The following COQ8A variants were observed in gnomAD, a reference collection of about 807,000 sequenced individuals.
COQ8A encodes coenzyme Q8A, also known as atypical kinase COQ8A, mitochondrial.
Under a neutral mutation model 65.0 loss-of-function variants are expected in COQ8A, and 51 were observed. The ratio of observed to expected loss-of-function variants is 0.78; its 90% CI spans 0.63 to 0.99. The LOEUF is 0.99. Among genes scored for constraint, COQ8A ranks in the 50% least tolerant of loss-of-function variants. The pLI is 0.00. For synonymous variants in COQ8A, 371 were observed against 353.2 expected (o/e 1.05, Z -0.57); for missense variants, 940 against 875.0 (o/e 1.07, Z -0.94).
intron 1 of COQ8A, among the ~76,000 whole-genome samples, chr1:226,941,372 G>A (rs1656678362): frequency 6.6e-6 from 1 of 152,184 alleles, no homozygotes; most frequent in Admixed American, 6.5e-5. Flanking sequence ...GCTGTGGATG[G>A]GTAGGTCATC....
chr1:226,964,829 C>G lies in COQ8A; in HGVS notation c.178-171C>G, dbSNP rs1313322360. On this transcript the variant is annotated intron_variant, in intron 2 of 14. Coordinates refer to ENST00000366777, the MANE Select transcript of COQ8A (RefSeq NM_020247.5). Reference sequence around the variant, plus strand: ...CAGAAGCAGGGCTGGAGCCCAGGTCCCGGCTCCCAGGCTGGGAAGGGTGCC... The same window carrying G: ...CAGAAGCAGGGCTGGAGCCCAGGTCGCGGCTCCCAGGCTGGGAAGGGTGCC... Among the ~76,000 whole-genome samples, 5 of 152,202 alleles carry G rather than the reference C, an allele frequency of 3.3e-5. No homozygotes were observed. The East Asian group carries it at 9.6e-4, about 29-fold the overall frequency.
chr1:226,944,411 C>T (rs1411363206), intron 1 of COQ8A, among the ~76,000 whole-genome samples: 1 of 151,486 alleles, frequency 6.6e-6, no homozygotes. Context: ...CAGGGGAGGG[C>T]TTTTATGATT....
Position 226,949,588 on chromosome 1 carries a change from AAATAAACC to A in COQ8A, c.-10+9191_-10+9198del, listed in dbSNP as rs367817567. ...GAATGATGCCTCATACCACAGCACTAAATAAACCACACTGGTCCTCCCCAGCCCAGCCT... is the reference window on the plus strand; with the variant it reads ...GAATGATGCCTCATACCACAGCACTAACACTGGTCCTCCCCAGCCCAGCCT... On this transcript the variant is annotated intron_variant, in intron 1 of 14. Transcript: ENST00000366777. The surrounding 1 kb of genome is among the most constrained non-coding windows in gnomAD (Gnocchi z 4.0). Among the ~76,000 whole-genome samples, 382 of 152,208 alleles carry A rather than the reference AAATAAACC, an allele frequency of 2.5e-3. No homozygotes were observed. Among genetic ancestry groups the A allele is most frequent in the African/African-American group, 8.8e-3 (366 of 41,534 alleles).
chr1:226,950,504 G>A (rs1314028748), intron 1 of COQ8A, among the ~76,000 whole-genome samples: 3 of 152,190 alleles, frequency 2.0e-5, no homozygotes. Context: ...GTGACTTCGG[G>A]CAAATTACTT....
At position 226,962,706 on chromosome 1, in the gene COQ8A, C is replaced by T. The variant is rs928258094; in HGVS notation, c.177+1144C>T. On this transcript the variant is annotated intron_variant, in intron 2 of 14. Coordinates refer to ENST00000366777, the MANE Select transcript of COQ8A (RefSeq NM_020247.5). Reference sequence around the variant, plus strand: ...TTAGGACCTGCAGGCCCTTCCCTGCCGCTCTGGGAGGATCCCACAGTGATA... The same window carrying T: ...TTAGGACCTGCAGGCCCTTCCCTGCTGCTCTGGGAGGATCCCACAGTGATA... 1.1e-4 allele frequency among the ~76,000 whole-genome samples: 16 copies of T among 152,190 alleles called. No homozygotes were observed. In the East Asian group the frequency reaches 1.5e-3, roughly 15 times the overall value.
At chr1:226,978,211 C>T (rs1378726377) in intron 5 of COQ8A, among the ~76,000 whole-genome samples, 2 of 104,366 alleles carry the variant, frequency 1.9e-5, no homozygotes, top group African/African-American at 5.8e-5. Flanking sequence ...CTGCACACCT[C>T]CTTACACACC....
In COQ8A at chr1:226,972,322, A is replaced by C. The variant is rs948670497; in HGVS notation, c.656-5127A>C. On this transcript the variant is annotated intron_variant, in intron 4 of 14. Transcript: ENST00000366777. The surrounding 1 kb of genome is among the most constrained non-coding windows in gnomAD (Gnocchi z 4.3). ...AAAAGTAAAGAAAGAGGAAGCAATA[A>C]TATTATTTGATTCTGTGTAGAAAGG... Among the ~76,000 whole-genome samples, 21 of 152,176 alleles carry C rather than the reference A, an allele frequency of 1.4e-4. 1 individual carries two copies. The highest frequency in any genetic ancestry group is 3.3e-4 in the Admixed American group (5 of 15,276).
At chr1:226,951,468 A>G (rs1294796091) in intron 1 of COQ8A, among the ~76,000 whole-genome samples, 1 of 152,092 alleles carries the variant, frequency 6.6e-6, no homozygotes, top group Non-Finnish European at 1.5e-5. Context: ...TGGCCTGGAT[A>G]ATACAGTACC....
intron 4 of COQ8A, among the ~76,000 whole-genome samples, chr1:226,966,906 C>G (rs974842635): frequency 6.6e-6 from 1 of 152,152 alleles, no homozygotes; most frequent in Non-Finnish European, 1.5e-5. Flanking sequence ...CCCCCCTCTC[C>G]AAGGTGCTGA....
intron 14 of COQ8A, among the ~76,000 whole-genome samples, chr1:226,985,656 C>T (rs564828321): frequency 2.0e-5 from 3 of 152,312 alleles, no homozygotes; most frequent in Non-Finnish European, 4.4e-5. Context: ...AAGCCCCAGC[C>T]CTCCCCTCAT....
intron 4 of COQ8A, among the ~76,000 whole-genome samples, chr1:226,970,510 ATCTATCACTGTCGTATATGCAGTC>A (rs1658838124): frequency 3.9e-5 from 6 of 152,240 alleles, no homozygotes; most frequent in Non-Finnish European, 8.8e-5. Context: ...ATATGATACA[ATCTATCACTGTCGTATATGCAGTC>A]CGTTGACTGA....
At chr1:226,985,563 CTT>C (rs777276659) in intron 14 of COQ8A, among the ~76,000 whole-genome samples, 21 of 152,194 alleles carry the variant, frequency 1.4e-4, no homozygotes, top group South Asian at 4.1e-4. Context: ...TCGTGAAGCT[CTT>C]GTTTCTGCCT....
chr1:226,965,615 A>T, intron 3 of COQ8A, 56 bp from the exon 4 acceptor site: 1 of 1,586,252 alleles, frequency 6.3e-7, no homozygotes, highest in South Asian at 1.1e-5. Context: ...GAGCCTCTGA[A>T]GGTTGGTCCT....
At position 226,965,746 on chromosome 1, in the gene COQ8A, G is replaced by A. The variant is rs146526153; in HGVS notation, c.655+9G>A. The A allele has an allele frequency of 1.1e-3, 1,835 of 1,613,256 alleles. 27 individuals are homozygous for A. In the African/African-American group the frequency reaches 0.022, roughly 19 times the overall value. ...GCTGGCCAACTTCGGAGGTAAGGTGGCTGTGTGCCCCTGGACTGCCTCACC... is the reference window on the plus strand; with the variant it reads ...GCTGGCCAACTTCGGAGGTAAGGTGACTGTGTGCCCCTGGACTGCCTCACC... On this transcript the variant is annotated intron_variant, in intron 4 of 14. Coordinates refer to ENST00000366777, the MANE Select transcript of COQ8A (RefSeq NM_020247.5).
At chr1:226,981,245 T>G (rs1659665657) in intron 5 of COQ8A, among the ~76,000 whole-genome samples, 1 of 152,198 alleles carries the variant, frequency 6.6e-6, no homozygotes, top group Non-Finnish European at 1.5e-5. Flanking sequence ...AGCACTGAAC[T>G]GATGGCCCAG....
rs891825034 is a variant in COQ8A, at chr1:226,949,655, A to G, written c.-10+9256A>G. Among the ~76,000 whole-genome samples the G allele has an allele frequency of 6.6e-6, 1 of 152,204 alleles. No individual in the cohort carries two copies. Among genetic ancestry groups the G allele is most frequent in the Admixed American group, 6.5e-5 (1 of 15,278 alleles). On this transcript the variant is annotated intron_variant, in intron 1 of 14. Coordinates refer to ENST00000366777, the MANE Select transcript of COQ8A (RefSeq NM_020247.5). The surrounding 1 kb of genome is among the most constrained non-coding windows in gnomAD (Gnocchi z 4.0). The stretch of plus-strand genomic sequence containing the variant: ...ACTCAGGTATGAGACTGTGCCTGGC[A>G]GGAACAACTGCGGGTTATCCAGACT...
chr1:226,953,122 T>C (rs1320276439), intron 1 of COQ8A, among the ~76,000 whole-genome samples: 3 of 152,180 alleles, frequency 2.0e-5, no homozygotes, highest in African/African-American at 7.2e-5. Context: ...TTCCGCCTCC[T>C]GGTTTCAAGC....
intron 1 of COQ8A, among the ~76,000 whole-genome samples, chr1:226,948,555 G>A (rs1039891595): frequency 2.0e-5 from 3 of 152,190 alleles, no homozygotes; most frequent in African/African-American, 4.8e-5. Flanking sequence ...AACCCTGTAA[G>A]CGTCTGAAAG....
intron 1 of COQ8A, among the ~76,000 whole-genome samples, chr1:226,952,577 C>G (rs1013549640): frequency 6.6e-6 from 1 of 152,012 alleles, no homozygotes; most frequent in South Asian, 2.1e-4. Flanking sequence ...CCACGCCTGG[C>G]TAATTTTTTT....
Sources: gnomAD v4.1 joint callset for allele counts (sites outside exome capture counted in the v4.1 genomes callset) on GRCh38, gnomAD v4.1.1 for gene constraint, Gnocchi (gnomAD v3.1) non-coding constraint, MANE v1.5 for transcripts, NCBI Gene and HGNC (gene_info 2026-07-23, HGNC 2026-07-21) for gene names.